The following SNX29 variants were observed in gnomAD, a reference collection of about 807,000 sequenced individuals.
SNX29 encodes sorting nexin-29.
Under a neutral mutation model 102.1 loss-of-function variants are expected in SNX29, and 78 were observed. The observed-to-expected ratio is 0.76, with a 90% CI of 0.64 to 0.92. The LOEUF (loss-of-function observed/expected upper bound fraction) is 0.92, where lower values mean the gene tolerates loss of function less well. SNX29 is among the 40% of genes least tolerant of loss of function. The pLI is 0.00. For synonymous variants in SNX29, 580 were observed against 414.5 expected (o/e 1.40, Z -4.85); for missense variants, 1,280 against 1,061.7 (o/e 1.21, Z -2.86).
chr16:12,133,260 G>C (rs2141442478), intron 13 of SNX29, among the ~76,000 whole-genome samples: 1 of 116,330 alleles, frequency 8.6e-6, no homozygotes, highest in Admixed American at 8.8e-5. Context: ...TAACTTCTCT[G>C]TTTCTGTTTC....
At chr16:12,542,420 T>G (rs967149035) in intron 20 of SNX29, among the ~76,000 whole-genome samples, 1 of 152,188 alleles carries the variant, frequency 6.6e-6, no homozygotes, top group African/African-American at 2.4e-5. Context: ...ACTACAGCCT[T>G]CGCCTCCCAA....
intron 18 of SNX29, among the ~76,000 whole-genome samples, chr16:12,449,952 G>C (rs1466147889): frequency 6.6e-6 from 1 of 152,202 alleles, no homozygotes; most frequent in African/African-American, 2.4e-5. Context: ...CGTGTTGTGG[G>C]AGGGACCCGG....
intron 20 of SNX29, among the ~76,000 whole-genome samples, chr16:12,525,366 G>T (rs1170552099): frequency 6.6e-6 from 1 of 151,944 alleles, no homozygotes; most frequent in African/African-American, 2.4e-5. Context: ...TACATATTAT[G>T]CACTTAGAAA....
chr16:12,068,135 C>A (rs554504976), intron 9 of SNX29, among the ~76,000 whole-genome samples: 38 of 152,214 alleles, frequency 2.5e-4, no homozygotes, highest in Admixed American at 3.9e-4. Context: ...GTTTCTGGCC[C>A]TGGTTCTGAA....
At chr16:12,482,684 A>G (rs2088002862) in intron 19 of SNX29, among the ~76,000 whole-genome samples, 1 of 152,204 alleles carries the variant, frequency 6.6e-6, no homozygotes, top group African/African-American at 2.4e-5. Flanking sequence ...ATAGACCTAG[A>G]CATTATTCAA....
intron 19 of SNX29, among the ~76,000 whole-genome samples, chr16:12,483,466 T>C (rs77859412): frequency 0.12 from 18,801 of 151,682 alleles, 1,592 homozygotes; most frequent in African/African-American, 0.24. Context: ...TACAGGTGTG[T>C]GCCACCACGC....
chr16:12,378,912 A>AC (rs2082975910), intron 16 of SNX29, among the ~76,000 whole-genome samples: 1 of 151,948 alleles, frequency 6.6e-6, no homozygotes. Flanking sequence ...GCCAGCAGAA[A>AC]CCCCCAGATT....
chr16:12,316,079 A>G (rs1428559044), intron 15 of SNX29, among the ~76,000 whole-genome samples: 1 of 152,204 alleles, frequency 6.6e-6, no homozygotes, highest in Admixed American at 6.5e-5. Flanking sequence ...TGGCTGGGGA[A>G]GGGAGATGTT....
intron 18 of SNX29, among the ~76,000 whole-genome samples, chr16:12,442,588 T>G (rs1343350047): frequency 3.3e-5 from 5 of 150,254 alleles, no homozygotes; most frequent in African/African-American, 4.9e-5. Context: ...TGTGTTTTTT[T>G]GTTTTTTTTT....
chr16:12,557,907 A>T (rs547272842), intron 20 of SNX29, among the ~76,000 whole-genome samples: 1 of 152,274 alleles, frequency 6.6e-6, no homozygotes, highest in South Asian at 2.1e-4. Context: ...GAGGATTCTC[A>T]AGTCGTCAGG....
intron 18 of SNX29, among the ~76,000 whole-genome samples, chr16:12,438,526 G>A (rs771496971): frequency 1.3e-5 from 2 of 152,188 alleles, no homozygotes; most frequent in Non-Finnish European, 1.5e-5. Context: ...AAAGGTAGCA[G>A]CCTAGATTTG....
chr16:12,430,542 T>C (rs1196464539), intron 18 of SNX29, among the ~76,000 whole-genome samples: 2 of 152,222 alleles, frequency 1.3e-5, no homozygotes, highest in African/African-American at 2.4e-5. Flanking sequence ...CTAACCTCAG[T>C]TTATTCATTT....
intron 3 of SNX29, among the ~76,000 whole-genome samples, chr16:12,008,252 G>A (rs917960274): frequency 1.4e-5 from 2 of 142,252 alleles, no homozygotes; most frequent in Non-Finnish European, 3.1e-5. Context: ...CCTGCTTTTC[G>A]CTACTTTTTC....
chr16:12,043,299 G>C (rs1157104042), intron 5 of SNX29, among the ~76,000 whole-genome samples: 1 of 152,140 alleles, frequency 6.6e-6, no homozygotes, highest in Non-Finnish European at 1.5e-5. Context: ...CATACAGCCA[G>C]CTTGGATGTG....
intron 13 of SNX29, among the ~76,000 whole-genome samples, chr16:12,187,047 C>T (rs978867075): frequency 7.9e-5 from 12 of 152,156 alleles, no homozygotes; most frequent in African/African-American, 2.9e-4. Flanking sequence ...CTGATGGGTC[C>T]CGGAGGAATC....
At chr16:12,407,707 A>T (rs1423691087) in intron 18 of SNX29, among the ~76,000 whole-genome samples, 2 of 152,250 alleles carry the variant, frequency 1.3e-5, no homozygotes, top group Non-Finnish European at 2.9e-5. Flanking sequence ...TCAAAGGCAC[A>T]GAGAAGCATC....
intron 20 of SNX29, among the ~76,000 whole-genome samples, chr16:12,536,107 A>T (rs1412117258): frequency 6.6e-6 from 1 of 152,184 alleles, no homozygotes; most frequent in East Asian, 1.9e-4. Context: ...ACCAGAGAGA[A>T]GGGTGAACAC....
intron 19 of SNX29, among the ~76,000 whole-genome samples, chr16:12,480,086 T>G (rs528773345): frequency 6.6e-6 from 1 of 152,338 alleles, no homozygotes; most frequent in East Asian, 1.9e-4. Context: ...TGTATTTAGC[T>G]TAAAGTCTTA....
chr16:12,540,329 TATG>T (rs1263846155), intron 20 of SNX29, among the ~76,000 whole-genome samples: 2 of 152,130 alleles, frequency 1.3e-5, no homozygotes, highest in African/African-American at 4.8e-5. Flanking sequence ...CCACAGCTCT[TATG>T]ATTAAAGAGG....
Sources: gnomAD v4.1 joint callset for allele counts (sites outside exome capture counted in the v4.1 genomes callset) on GRCh38, gnomAD v4.1.1 for gene constraint, MANE v1.5 for transcripts, NCBI Gene and HGNC (gene_info 2026-07-23, HGNC 2026-07-21) for gene names.